Variants in OIT3 observed in about 807,000 individuals in gnomAD.
OIT3 encodes the protein oncoprotein-induced transcript 3 protein.
OIT3 carries 41 observed loss-of-function variants against 52.2 expected under a neutral mutation model. That is an observed-to-expected ratio of 0.79 (90% CI 0.61 to 1.02). The LOEUF is 1.02. Among genes scored for constraint, OIT3 ranks in the 50% least tolerant of loss-of-function variants. The probability of loss-of-function intolerance (pLI) is 0.00; values close to 1 mark genes in which losing one functional copy is unlikely to be tolerated. For synonymous variants in OIT3, 244 were observed against 276.9 expected (o/e 0.88, Z 1.18); for missense variants, 634 against 715.5 (o/e 0.89, Z 1.30).
intron 8 of OIT3, among the ~76,000 whole-genome samples, chr10:72,931,472 G>A (rs1419998761): frequency 1.3e-5 from 2 of 152,164 alleles, no homozygotes; most frequent in African/African-American, 4.8e-5. Context: ...GGGTGAGAGA[G>A]TGAGACCCTG....
intron 7 of OIT3, among the ~76,000 whole-genome samples, chr10:72,924,856 A>G (rs527408512): frequency 1.3e-5 from 2 of 152,292 alleles, no homozygotes; most frequent in South Asian, 4.1e-4. Context: ...TCACACCTGT[A>G]ATCCCAGCAC....
intron 3 of OIT3, 150 bp from the exon 4 acceptor site, chr10:72,906,446 G>A (rs1213480617): frequency 1.3e-6 from 1 of 788,234 alleles, no homozygotes; most frequent in South Asian, 1.7e-5. Context: ...AGATCAGGTG[G>A]ATGGGAGTGA....
At chr10:72,902,966 T>C (rs1845947251) in intron 3 of OIT3, among the ~76,000 whole-genome samples, 2 of 152,186 alleles carry the variant, frequency 1.3e-5, no homozygotes, top group South Asian at 4.1e-4. Context: ...TAATTTATCT[T>C]AGACAATCTT....
Position 72,913,390 on chromosome 10 carries a change from C to T in OIT3, c.873C>T (p.Asn291=). The T allele has an allele frequency of 1.2e-6, 2 of 1,613,762 alleles. No individual in the cohort carries two copies. The highest frequency in any genetic ancestry group is 1.7e-6 in the Non-Finnish European group (2 of 1,179,680). ...LVGGLELFLT[N]TSCRGVSNGT... ...GTGGCCTGGAGCTCTTCCTGACCAA[C>T]ACCTCCTGCCGAGGAGTGTCCAACG... The change falls in exon 6 of 9, where the codon AAC becomes AAT. Residue 291 remains asparagine, a synonymous_variant. Coordinates refer to ENST00000334011, the MANE Select transcript of OIT3 (RefSeq NM_152635.3).
intron 1 of OIT3, 51 bp from the exon 2 acceptor site, chr10:72,898,613 G>T: frequency 6.5e-7 from 1 of 1,526,762 alleles, no homozygotes; most frequent in Non-Finnish European, 8.9e-7. Flanking sequence ...GGCTGTTGGT[G>T]GTGTGATCCG....
rs547312629 is a variant in OIT3 at position 72,925,866 on chromosome 10, C to T, written c.1367+1222C>T. On this transcript the variant is annotated intron_variant, in intron 7 of 8. Coordinates refer to ENST00000334011, the MANE Select transcript of OIT3 (RefSeq NM_152635.3). ...AAGTGATCCTCCTGCCTTGGCCTCCCAAAGTGCTGGGATTATAGGTGTGAG... is the reference window on the plus strand; with the variant it reads ...AAGTGATCCTCCTGCCTTGGCCTCCTAAAGTGCTGGGATTATAGGTGTGAG... Among the ~76,000 whole-genome samples the T allele has an allele frequency of 3.9e-5, 6 of 152,338 alleles. No homozygotes were observed. The South Asian group carries it at 1.2e-3, about 32-fold the overall frequency.
chr10:72,915,166 CT>C lies in OIT3; in HGVS notation c.951+1707del, dbSNP rs200336227. On this transcript the variant is annotated intron_variant, in intron 6 of 8. Transcript: ENST00000334011. ...TAGGTGTAAGCCACTGTGCCCAGCCCTTTTTTTTTGGTATTATTTTCTTATT... is the reference window on the plus strand; with the variant it reads ...TAGGTGTAAGCCACTGTGCCCAGCCCTTTTTTTTGGTATTATTTTCTTATT... 3.2e-3 allele frequency among the ~76,000 whole-genome samples: 488 copies of C among 150,900 alleles called. 1 individual carries two copies. The highest frequency in any genetic ancestry group is 3.8e-3 in the Non-Finnish European group (254 of 67,606).
intron 7 of OIT3, among the ~76,000 whole-genome samples, chr10:72,929,426 A>G (rs1846196302): frequency 2.0e-5 from 3 of 151,860 alleles, no homozygotes; most frequent in Non-Finnish European, 4.4e-5. Flanking sequence ...TTCTTGGCCT[A>G]TAAGAAGTTT....
rs761246990 is a variant in OIT3 at position 72,932,576 on chromosome 10, T to G, written c.*52T>G. ...ATTGGACGGCTCTGCTCTTTGGAGC[T>G]TCTCCCCCCACCGCCCTCTAAGAAC... On this transcript the variant is annotated 3_prime_UTR_variant, in exon 9 of 9. Coordinates refer to ENST00000334011, the MANE Select transcript of OIT3 (RefSeq NM_152635.3). 1 of 1,493,506 alleles carries G rather than the reference T, an allele frequency of 6.7e-7. No homozygotes were observed. 92.5% of individuals were successfully genotyped at this position (1,493,506 alleles called of 1,614,324 possible).
chr10:72,929,727 G>A (rs1280606655), intron 7 of OIT3, among the ~76,000 whole-genome samples: 1 of 152,032 alleles, frequency 6.6e-6, no homozygotes, highest in Admixed American at 6.6e-5. Flanking sequence ...ATTATTAATA[G>A]AGACGGGTTT....
Position 72,898,682 on chromosome 10 carries a change from C to T in OIT3, c.80C>T (p.Ala27Val), listed in dbSNP as rs1257015601. 2.5e-6 allele frequency: 4 copies of T among 1,612,302 alleles called. No individual in the cohort carries two copies. Among genetic ancestry groups the T allele is most frequent in the Middle Eastern group, 1.7e-4 (1 of 6,056 alleles). ...TTTCCAGCCCTAGATCCTTGTTCTG[C>T]TTACATCAGCCTGAATGAGCCCTGG... ...VSPVALDPCS[A>V]YISLNEPWRN... The change falls in exon 2 of 9, where the codon GCT becomes GTT. Residue 27 changes from alanine to valine, a missense_variant. Ala to Val is a moderately conservative substitution (Grantham distance 64). Transcript: ENST00000334011.
Position 72,912,272 on chromosome 10 carries a change from C to CTTT in OIT3, c.790+448_790+450dup, listed in dbSNP as rs749814581. Among the ~76,000 whole-genome samples, 111 of 125,844 alleles carry CTTT rather than the reference C, an allele frequency of 8.8e-4. 1 individual carries two copies. The highest frequency in any genetic ancestry group is 2.3e-3 in the South Asian group (9 of 3,880). 82.6% of individuals were successfully genotyped at this position (125,844 alleles called of 152,430 possible). A position where few individuals can be genotyped will look rare whatever the true frequency, so the allele number is the denominator to read the frequency against. Reference sequence around the variant, plus strand: ...TTCTGGAAATCTAATTCTTTTTTTTCTTTTTTTTTTTTTTTTTGGCAGAGT... The same window carrying CTTT: ...TTCTGGAAATCTAATTCTTTTTTTTCTTTTTTTTTTTTTTTTTTTTGGCAGAGT... On this transcript the variant is annotated intron_variant, in intron 5 of 8. Transcript: ENST00000334011.
At chr10:72,901,063 G>C (rs1845930804) in intron 3 of OIT3, among the ~76,000 whole-genome samples, 1 of 151,892 alleles carries the variant, frequency 6.6e-6, no homozygotes, top group Non-Finnish European at 1.5e-5. Context: ...ACGAGACTCT[G>C]TTTCTAAAAA....
Position 72,930,521 on chromosome 10 carries a change from A to G in OIT3, c.1368-17A>G, listed in dbSNP as rs1846206440. On this transcript the variant is annotated splice_polypyrimidine_tract_variant and intron_variant, in intron 7 of 8. Coordinates refer to ENST00000334011, the MANE Select transcript of OIT3 (RefSeq NM_152635.3). Reference sequence around the variant, plus strand: ...TTGAAACAATCAAGTCTTATGTGCTATCTGCCCTACTTTCAGCTGTGTTTC... The same window carrying G: ...TTGAAACAATCAAGTCTTATGTGCTGTCTGCCCTACTTTCAGCTGTGTTTC... 1.3e-6 allele frequency: 2 copies of G among 1,569,472 alleles called. No homozygotes were observed. Among genetic ancestry groups the G allele is most frequent in the African/African-American group, 2.7e-5 (2 of 73,972 alleles).
intron 5 of OIT3, among the ~76,000 whole-genome samples, chr10:72,912,874 T>G (rs541485343): frequency 2.0e-4 from 30 of 152,318 alleles, no homozygotes; most frequent in Non-Finnish European, 3.7e-4. Context: ...ACTAACACTG[T>G]TTTTATTGTC....
At position 72,924,213 on chromosome 10, in the gene OIT3, C is replaced by T. The variant is rs749877452; in HGVS notation, c.952-16C>T. ...ACAGACAATCTCTTTCCTCTCCTCA[C>T]CCTGGCCTGGCTCAGGTGGTGAATG... On this transcript the variant is annotated splice_polypyrimidine_tract_variant and intron_variant, in intron 6 of 8. Transcript: ENST00000334011. 2.6e-5 allele frequency: 41 copies of T among 1,572,016 alleles called. No homozygotes were observed. Among genetic ancestry groups the T allele is most frequent in the Non-Finnish European group, 3.5e-5 (40 of 1,156,010 alleles).
chr10:72,893,994 A>C, intron 1 of OIT3, 135 bp downstream of exon 1: 1 of 535,408 alleles, frequency 1.9e-6, no homozygotes, highest in Non-Finnish European at 3.2e-6. Flanking sequence ...GTCCCTAATA[A>C]TCCTTGAAAA....
Position 72,913,336 on chromosome 10 carries a change from T to C in OIT3, c.819T>C (p.Ile273=). 1 of 1,611,870 alleles carries C rather than the reference T, an allele frequency of 6.2e-7. No individual in the cohort carries two copies. The highest frequency in any genetic ancestry group is 2.2e-5 in the East Asian group (1 of 44,806). ...QVPVLCKSNA[I]EVNIPRELVG... ...CTGTGTTGTGCAAATCAAATGCCAT[T>C]GAAGTGAACATCCCCAGGGAGCTGG... The change falls in exon 6 of 9, where the codon ATT becomes ATC. Residue 273 remains isoleucine, a synonymous_variant. Coordinates refer to ENST00000334011, the MANE Select transcript of OIT3 (RefSeq NM_152635.3).
intron 8 of OIT3, 135 bp downstream of exon 8, chr10:72,930,772 G>C (rs1305667270): frequency 2.3e-5 from 14 of 617,852 alleles, no homozygotes; most frequent in African/African-American, 1.9e-4. Flanking sequence ...CAGAGAAACT[G>C]GCCATCGAGA....
Sources: gnomAD v4.1 joint callset for allele counts (sites outside exome capture counted in the v4.1 genomes callset) on GRCh38, gnomAD v4.1.1 for gene constraint, MANE v1.5 for transcripts, NCBI Gene and HGNC (gene_info 2026-07-23, HGNC 2026-07-21) for gene names.